The following FUT8 variants were observed in gnomAD, a reference collection of about 807,000 sequenced individuals.
FUT8 encodes the protein alpha-(1,6)-fucosyltransferase.
FUT8 carries 29 observed loss-of-function variants against 71.3 expected under a neutral mutation model. The ratio of observed to expected loss-of-function variants is 0.41; its 90% CI spans 0.30 to 0.55. FUT8 has a LOEUF of 0.55. Ranked by LOEUF, FUT8 falls within the 20% of genes least tolerant of loss-of-function variation. The pLI, the probability that FUT8 is intolerant of heterozygous loss-of-function variation, is 0.34. For missense variants in FUT8, 544 were observed against 702.1 expected (o/e 0.77, Z 2.55); for synonymous variants, 254 against 239.3 (o/e 1.06, Z -0.57).
chr14:65,385,571 T>TA, the FUT8 span, among the ~76,000 whole-genome samples: 1 of 115,328 alleles, frequency 8.7e-6, no homozygotes, highest in African/African-American at 3.6e-5. Flanking sequence ...GGCTTTTAGA[T>TA]TTTTTATATG....
chr14:65,443,425 GTT>G (rs1413419020), intron 1 of FUT8, among the ~76,000 whole-genome samples: 1 of 136,850 alleles, frequency 7.3e-6, no homozygotes, highest in African/African-American at 2.7e-5. Context: ...AAAAAAAAGA[GTT>G]TTGAAAATCA....
chr14:65,531,718 A>G (rs1387081160), intron 2 of FUT8, among the ~76,000 whole-genome samples: 1 of 152,178 alleles, frequency 6.6e-6, no homozygotes, highest in Admixed American at 6.6e-5. Context: ...TTCATCACCC[A>G]GGTACTAAGC....
the FUT8 span, among the ~76,000 whole-genome samples, chr14:65,376,482 T>A: frequency 7.2e-6 from 1 of 138,462 alleles, no homozygotes; most frequent in Admixed American, 7.2e-5. Flanking sequence ...GTGACCTTGG[T>A]TCACTGCAAC....
intron 2 of FUT8, among the ~76,000 whole-genome samples, chr14:65,539,477 G>A (rs1884547009): frequency 6.6e-6 from 1 of 152,186 alleles, no homozygotes; most frequent in Non-Finnish European, 1.5e-5. Flanking sequence ...TAGTTGAGTG[G>A]ACTCTAGAGC....
intron 2 of FUT8, among the ~76,000 whole-genome samples, chr14:65,460,425 A>G (rs745357990): frequency 1.3e-5 from 2 of 152,186 alleles, no homozygotes; most frequent in Non-Finnish European, 2.9e-5. Context: ...TTGGAGTTTC[A>G]TTAAGCTCAG....
At chr14:65,435,922 CTTTT>C (rs374407475) in intron 1 of FUT8, among the ~76,000 whole-genome samples, 1 of 121,908 alleles carries the variant, frequency 8.2e-6, no homozygotes, top group Non-Finnish European at 1.7e-5. Flanking sequence ...GATATCTTCC[CTTTT>C]TTTTTTTTTT....
intron 1 of FUT8, among the ~76,000 whole-genome samples, chr14:65,450,662 T>C (rs1839512860): frequency 6.6e-6 from 1 of 152,096 alleles, no homozygotes; most frequent in African/African-American, 2.4e-5. Flanking sequence ...TAAAATGGGG[T>C]TTTTCTTACG....
At position 65,413,555 on chromosome 14, in the gene FUT8, G is replaced by T. The variant is rs1283998192; in HGVS notation, c.-326+341G>T. 1.3e-5 allele frequency among the ~76,000 whole-genome samples: 2 copies of T among 152,064 alleles called. No homozygotes were observed. Among genetic ancestry groups the T allele is most frequent in the African/African-American group, 2.4e-5 (1 of 41,398 alleles). On this transcript the variant is annotated intron_variant, in intron 1 of 10. Transcript: ENST00000673929. The surrounding 1 kb of genome is among the most constrained non-coding windows in gnomAD (Gnocchi z 4.1). ...GGAAGGAGAAGGGTTGGGGGCGGGG[G>T]TGGGAGGTGTCCGTCGTTTCCCCTC...
At chr14:65,720,713 G>A (rs1170721151) in intron 7 of FUT8, among the ~76,000 whole-genome samples, 3 of 152,160 alleles carry the variant, frequency 2.0e-5, no homozygotes, top group Non-Finnish European at 2.9e-5. Flanking sequence ...TTGTGGCCTA[G>A]ACTGCCTTTC....
chr14:65,668,718 C>T (rs543308201), intron 6 of FUT8, among the ~76,000 whole-genome samples: 13 of 152,230 alleles, frequency 8.5e-5, no homozygotes, highest in African/African-American at 2.9e-4. Flanking sequence ...GCTATAAAGA[C>T]ACATGCAATT....
At chr14:65,476,358 A>G (rs1367706270) in intron 2 of FUT8, among the ~76,000 whole-genome samples, 1 of 152,206 alleles carries the variant, frequency 6.6e-6, no homozygotes, top group East Asian at 1.9e-4. Flanking sequence ...ACAAAGCTTC[A>G]TGCAGTAACT....
intron 10 of FUT8, among the ~76,000 whole-genome samples, chr14:65,739,622 T>C (rs1300574656): frequency 6.6e-6 from 1 of 152,156 alleles, no homozygotes; most frequent in East Asian, 1.9e-4. Flanking sequence ...CCTGCATTCC[T>C]GGCTAGGGAT....
At chr14:65,573,058 G>A (rs1008285233) in intron 3 of FUT8, among the ~76,000 whole-genome samples, 1 of 152,144 alleles carries the variant, frequency 6.6e-6, no homozygotes, top group Non-Finnish European at 1.5e-5. Context: ...GGAGTTTCTT[G>A]TAAAAGGCTG....
At chr14:65,518,020 CTCTTTT>C (rs1338027463) in intron 2 of FUT8, among the ~76,000 whole-genome samples, 1 of 152,122 alleles carries the variant, frequency 6.6e-6, no homozygotes, top group African/African-American at 2.4e-5. Flanking sequence ...TTTCAGTGGT[CTCTTTT>C]TCTTCTCTTT....
intron 3 of FUT8, among the ~76,000 whole-genome samples, chr14:65,576,951 C>T (rs1886821656): frequency 6.6e-6 from 1 of 151,892 alleles, no homozygotes; most frequent in Non-Finnish European, 1.5e-5. Flanking sequence ...GATCTGCCCA[C>T]CTAGGCCTCC....
chr14:65,518,842 G>A (rs150826990), intron 2 of FUT8, among the ~76,000 whole-genome samples: 4 of 152,302 alleles, frequency 2.6e-5, no homozygotes, highest in East Asian at 1.9e-4. Flanking sequence ...TTTGTAAAAC[G>A]TTTAGTAGAG....
At chr14:65,437,487 A>G (rs1275724779) in intron 1 of FUT8, among the ~76,000 whole-genome samples, 1 of 152,176 alleles carries the variant, frequency 6.6e-6, no homozygotes, top group East Asian at 1.9e-4. Flanking sequence ...TATCACCACT[A>G]ACACCACCAC....
chr14:65,430,379 A>G (rs576483138), intron 1 of FUT8: 5 of 152,108 alleles, frequency 3.3e-5, no homozygotes, highest in African/African-American at 9.7e-5. Context: ...TAAAAGTCCC[A>G]CTGAATTTTT....
chr14:65,451,081 C>T (rs1043762912), intron 1 of FUT8, among the ~76,000 whole-genome samples: 1 of 152,310 alleles, frequency 6.6e-6, no homozygotes, highest in East Asian at 1.9e-4. Flanking sequence ...TGGTCTTGAT[C>T]TCCTGACCTC....
Sources: allele counts gnomAD v4.1 joint callset (sites outside exome capture counted in the v4.1 genomes callset), GRCh38; gene constraint gnomAD v4.1.1; non-coding constraint Gnocchi (gnomAD v3.1); transcripts MANE v1.5; gene names NCBI Gene and HGNC (gene_info 2026-07-23, HGNC 2026-07-21).